The following TRANK1 variants were observed in gnomAD, a reference collection of about 807,000 sequenced individuals.
The protein encoded by TRANK1 is TPR and ankyrin repeat-containing protein 1.
Under a neutral mutation model 266.0 loss-of-function variants are expected in TRANK1, and 198 were observed. The ratio of observed to expected loss-of-function variants is 0.74; its 90% CI spans 0.66 to 0.84. TRANK1 has a LOEUF of 0.84. TRANK1 is among the 40% of genes least tolerant of loss of function. TRANK1 has a pLI of 0.00. For missense variants in TRANK1, 3,326 were observed against 3,634.6 expected, an observed-to-expected ratio of 0.92 and a Z score of 2.18; for synonymous variants, 1,396 against 1,384.1, an observed-to-expected ratio of 1.01 and a Z score of -0.19.
In TRANK1 at chr3:36,856,151, G is replaced by A. The variant is rs762804194; in HGVS notation, c.3571C>T (p.His1191Tyr). The change falls in exon 13 of 24, where the codon CAT becomes TAT. Residue 1191 changes from histidine (H) to tyrosine (Y), a missense_variant. Coordinates refer to ENST00000645898, the MANE Select transcript of TRANK1 (RefSeq NM_001329998.2). ...PEHPHQLEHL[H>Y]QIFVTKNHVL... ...TGGTTCTTGGTCACAAAGATCTGAT[G>A]TAAATGCTCCAGCTGGTGGGGATGT... The A allele has an allele frequency of 6.2e-7, 1 of 1,613,940 alleles. No individual in the cohort carries two copies. The highest frequency in any genetic ancestry group is 8.5e-7 in the Non-Finnish European group (1 of 1,179,904).
chr3:36,838,591 G>A (rs1169649457), intron 19 of TRANK1, 22 bp downstream of exon 19: 1 of 1,613,944 alleles, frequency 6.2e-7, no homozygotes, highest in East Asian at 2.2e-5. Flanking sequence ...GAGCAAACCA[G>A]AAGTGATCCC....
intron 8 of TRANK1, among the ~76,000 whole-genome samples, chr3:36,884,533 C>T (rs1353666144): frequency 6.6e-6 from 1 of 152,148 alleles, no homozygotes; most frequent in African/African-American, 2.4e-5. Flanking sequence ...AATAATCATA[C>T]CATTGGATTT....
intron 18 of TRANK1, among the ~76,000 whole-genome samples, chr3:36,840,319 GA>G (rs917414517): frequency 1.3e-5 from 2 of 151,802 alleles, no homozygotes; most frequent in African/African-American, 4.8e-5. Flanking sequence ...GGGCAGTGAA[GA>G]AAATTGTGAG....
At chr3:36,899,356 C>A in intron 3 of TRANK1, 97 bp from the exon 4 acceptor site, 1 of 1,367,290 alleles carries the variant, frequency 7.3e-7, no homozygotes, top group South Asian at 1.4e-5. Context: ...AAATCCAACT[C>A]TAAAAGTCTG....
chr3:36,835,825 T>A (rs2078764209), intron 20 of TRANK1, among the ~76,000 whole-genome samples: 1 of 152,146 alleles, frequency 6.6e-6, no homozygotes, highest in Non-Finnish European at 1.5e-5. Flanking sequence ...TAATTTAATT[T>A]TAATTATTTT....
intron 1 of TRANK1, among the ~76,000 whole-genome samples, chr3:36,921,591 G>A (rs2080214165): frequency 6.6e-6 from 1 of 152,166 alleles, no homozygotes; most frequent in Non-Finnish European, 1.5e-5. Flanking sequence ...ATTAAAGACA[G>A]GAAGAAGGGG....
intron 13 of TRANK1, 115 bp from the exon 14 acceptor site, chr3:36,852,460 T>C (rs1430390581): frequency 1.2e-5 from 11 of 955,186 alleles, no homozygotes; most frequent in Admixed American, 3.1e-5. Context: ...CTACAGTATG[T>C]ATAATTGCAA....
chr3:36,855,128 T>C, intron 13 of TRANK1, 45 bp downstream of exon 13: 1 of 1,537,154 alleles, frequency 6.5e-7, no homozygotes, highest in Non-Finnish European at 8.8e-7. Flanking sequence ...GCCCAAAGTC[T>C]GTGCCTAAGC....
intron 18 of TRANK1, among the ~76,000 whole-genome samples, chr3:36,842,213 T>C (rs984498282): frequency 5.3e-5 from 8 of 152,222 alleles, no homozygotes; most frequent in Admixed American, 2.0e-4. Flanking sequence ...AGATTGGCAA[T>C]GAAATCTGTT....
Position 36,860,988 on chromosome 3 carries a change from G to A in TRANK1, c.1413C>T (p.Leu471=), listed in dbSNP as rs964788668. ...CLIKDCNFSD[L]DICTIIPHLS... ...GATGGGGGATGATGGTACAGATGTCGAGGTCTGAGAAGTTGCAGTCTTTGA... is the reference window on the plus strand; with the variant it reads ...GATGGGGGATGATGGTACAGATGTCAAGGTCTGAGAAGTTGCAGTCTTTGA... Residue 471 remains leucine, a synonymous_variant, in exon 11 of 24, where the codon CTC becomes CTT. Coordinates refer to ENST00000645898, the MANE Select transcript of TRANK1 (RefSeq NM_001329998.2). 2.5e-5 allele frequency: 38 copies of A among 1,537,686 alleles called. No homozygotes were observed. The highest frequency in any genetic ancestry group is 1.8e-4 in the African/African-American group (13 of 73,030).
chr3:36,905,654 G>C (rs539761503), intron 2 of TRANK1, among the ~76,000 whole-genome samples: 2 of 152,312 alleles, frequency 1.3e-5, no homozygotes, highest in South Asian at 4.1e-4. Context: ...CCGGGAGCCA[G>C]ACAGCCTAAA....
Position 36,857,978 on chromosome 3 carries a change from G to A in TRANK1, c.1744C>T (p.Leu582Phe). ...FWSNPTEFDY[L>F]NPNVQDSNGN... ...TTGCTGTCCTGGACATTGGGGTTGA[G>A]GTAGTCGAATTCAGTGGGGTTGGAC... The change falls in exon 13 of 24, where the codon CTC becomes TTC. Residue 582 changes from leucine to phenylalanine, a missense_variant. Transcript: ENST00000645898. This position sits in a 1 kb window ranked among gnomAD's most constrained non-coding sequence, Gnocchi z 4.3. 6.3e-7 allele frequency: 1 copy of A among 1,599,722 alleles called. No individual in the cohort carries two copies. The highest frequency in any genetic ancestry group is 1.3e-5 in the African/African-American group (1 of 75,024).
At chr3:36,942,482 C>CAAAAAAA (rs565174922) in intron 1 of TRANK1, among the ~76,000 whole-genome samples, 77 of 79,852 alleles carry the variant, frequency 9.6e-4, no homozygotes, top group Non-Finnish European at 1.3e-3. Context: ...TCTTCTTCCT[C>CAAAAAAA]AAAAAAAAAA....
rs2078652514 is a variant in TRANK1, at chr3:36,828,262, A to C, written c.*13T>G. 1.3e-6 allele frequency: 2 copies of C among 1,593,162 alleles called. No homozygotes were observed. Among genetic ancestry groups the C allele is most frequent in the Admixed American group, 3.4e-5 (2 of 59,038 alleles). On this transcript the variant is annotated 3_prime_UTR_variant, in exon 24 of 24. Transcript: ENST00000645898. ...ATGTTCCGAAGGATGAGGAGGCTGC[A>C]GCTGTGTGGACATTAGTATTTTCTC...
chr3:36,945,224 T>G, upstream of TRANK1: 1 of 175,432 alleles, frequency 5.7e-6, no homozygotes, highest in Non-Finnish European at 1.2e-5. Flanking sequence ...TCGAACCCTT[T>G]ACCAGGAGGG....
intron 4 of TRANK1, among the ~76,000 whole-genome samples, chr3:36,898,709 G>T (rs1026029692): frequency 6.6e-6 from 1 of 151,980 alleles, no homozygotes; most frequent in Non-Finnish European, 1.5e-5. Context: ...AAACTAGCCC[G>T]GTGTGGTGGC....
intron 12 of TRANK1, 44 bp downstream of exon 12, chr3:36,858,674 G>A: frequency 6.9e-7 from 1 of 1,447,214 alleles, no homozygotes. Flanking sequence ...CTAATATCCA[G>A]CTTCCTCCTC....
intron 8 of TRANK1, among the ~76,000 whole-genome samples, chr3:36,883,440 G>A (rs2079558460): frequency 1.8e-5 from 2 of 113,396 alleles, no homozygotes; most frequent in Admixed American, 2.0e-4. Flanking sequence ...GTAAGACTCT[G>A]TCTCAAAAAA....
chr3:36,939,110 G>A (rs566554549), intron 1 of TRANK1, among the ~76,000 whole-genome samples: 70 of 151,912 alleles, frequency 4.6e-4, no homozygotes, highest in Non-Finnish European at 7.1e-4. Context: ...GTACTCCAGC[G>A]TGGGCAACAG....
Sources: allele counts gnomAD v4.1 joint callset (sites outside exome capture counted in the v4.1 genomes callset), GRCh38; gene constraint gnomAD v4.1.1; non-coding constraint Gnocchi (gnomAD v3.1); transcripts MANE v1.5; gene names NCBI Gene and HGNC (gene_info 2026-07-23, HGNC 2026-07-21).